The following HOPX variants were observed in gnomAD, a reference collection of about 807,000 sequenced individuals.
HOPX encodes the protein HOP homeobox, also known as homeodomain-only protein.
Under a neutral mutation model 11.8 loss-of-function variants are expected in HOPX, and 5 were observed. That is an observed-to-expected ratio of 0.43 (90% CI 0.22 to 0.89). HOPX has a LOEUF of 0.89. Among genes scored for constraint, HOPX ranks in the 40% least tolerant of loss-of-function variants. The probability of loss-of-function intolerance (pLI) is 0.28; values close to 1 mark genes in which losing one functional copy is unlikely to be tolerated. For missense variants in HOPX, 119 were observed against 120.0 expected (o/e 0.99, Z 0.04); for synonymous variants, 49 against 49.7 (o/e 0.99, Z 0.06).
chr4:56,660,255 T>C (rs531932447), intron 1 of HOPX, among the ~76,000 whole-genome samples: 1 of 152,344 alleles, frequency 6.6e-6, no homozygotes, highest in Admixed American at 6.5e-5. Flanking sequence ...TTACTATTTA[T>C]GTACAAAACA....
chr4:56,665,747 T>C (rs1256520166), intron 1 of HOPX: 1 of 152,216 alleles, frequency 6.6e-6, no homozygotes, highest in African/African-American at 2.4e-5. Flanking sequence ...GTTTTCATTT[T>C]ATATATGTAG....
intron 1 of HOPX, among the ~76,000 whole-genome samples, chr4:56,667,361 T>C (rs1718492298): frequency 6.6e-6 from 1 of 152,184 alleles, no homozygotes; most frequent in African/African-American, 2.4e-5. Flanking sequence ...AAATCTAGCC[T>C]CTTCTCTATT....
chr4:56,676,150 T>C (rs1011676596), intron 1 of HOPX, among the ~76,000 whole-genome samples: 1 of 151,330 alleles, frequency 6.6e-6, no homozygotes, highest in Non-Finnish European at 1.5e-5. Flanking sequence ...TACAAAAAAT[T>C]AGCCAGGTGT....
At chr4:56,650,817 A>G in intron 3 of HOPX, 2 of 1,540,614 alleles carry the variant, frequency 1.3e-6, no homozygotes, top group Non-Finnish European at 1.8e-6. Flanking sequence ...ACTACCCTTC[A>G]TGAGAAGAGA....
chr4:56,662,082 AAAG>A (rs1237629371), intron 1 of HOPX, among the ~76,000 whole-genome samples: 2 of 152,240 alleles, frequency 1.3e-5, no homozygotes, highest in Non-Finnish European at 2.9e-5. Flanking sequence ...ATGACCAATT[AAAG>A]AAGAAGAAAT....
At chr4:56,655,770 G>T in intron 3 of HOPX, 87 bp downstream of exon 3, 1 of 1,446,988 alleles carries the variant, frequency 6.9e-7, no homozygotes, top group Non-Finnish European at 9.4e-7. Context: ...AGCCCGGCGG[G>T]AGGCGCGGAC....
chr4:56,665,777 C>T (rs914018806), intron 1 of HOPX: 1 of 152,014 alleles, frequency 6.6e-6, no homozygotes, highest in Admixed American at 6.6e-5. Flanking sequence ...TAGATGGAAA[C>T]TTATATACCC....
intron 1 of HOPX, among the ~76,000 whole-genome samples, chr4:56,668,597 G>C (rs1718562469): frequency 2.0e-5 from 3 of 152,152 alleles, no homozygotes; most frequent in Non-Finnish European, 4.4e-5. Flanking sequence ...GCCCAGGCTG[G>C]TCTTGAACTC....
At chr4:56,675,648 A>T (rs972274558) in intron 1 of HOPX, among the ~76,000 whole-genome samples, 1 of 151,728 alleles carries the variant, frequency 6.6e-6, no homozygotes, top group African/African-American at 2.4e-5. Flanking sequence ...CATCTGCTGT[A>T]TTGCACTGTG....
Position 56,655,941 on chromosome 4 carries a change from G to A in HOPX, c.114C>T (p.Asn38=). Reference sequence around the variant, plus strand: ...CCGGGTGCTTGTCGACCTTGTTGAAGTTGTACTCCAGGATTTCCACCTGGT... The same window carrying A: ...CCGGGTGCTTGTCGACCTTGTTGAAATTGTACTCCAGGATTTCCACCTGGT... ...TEDQVEILEY[N]FNKVDKHPDS... Residue 38 remains asparagine, a synonymous_variant, in exon 3 of 4, where the codon AAC becomes AAT. Coordinates refer to ENST00000420433, the MANE Select transcript of HOPX (RefSeq NM_032495.6). 1 of 1,611,810 alleles carries A rather than the reference G, an allele frequency of 6.2e-7. No individual in the cohort carries two copies. The highest frequency in any genetic ancestry group is 8.5e-7 in the Non-Finnish European group (1 of 1,179,048).
chr4:56,650,736 C>G, intron 3 of HOPX: 3 of 1,551,634 alleles, frequency 1.9e-6, no homozygotes, highest in Non-Finnish European at 2.6e-6. Flanking sequence ...GCACGGCAGA[C>G]TATCATGGGG....
At chr4:56,668,629 A>G (rs541836754) in intron 1 of HOPX, among the ~76,000 whole-genome samples, 43 of 152,288 alleles carry the variant, frequency 2.8e-4, no homozygotes, top group Non-Finnish European at 5.1e-4. Context: ...CGATCCTTCC[A>G]AGTCATTGAA....
intron 3 of HOPX, chr4:56,650,770 T>C: frequency 6.4e-7 from 1 of 1,551,116 alleles, no homozygotes; most frequent in Non-Finnish European, 8.7e-7. Flanking sequence ...TGGGGGCTAC[T>C]TTCTGGGTGC....
intron 2 of HOPX, 55 bp downstream of exon 2, chr4:56,657,720 A>G: frequency 2.6e-6 from 2 of 770,816 alleles, no homozygotes; most frequent in Admixed American, 2.0e-5. Flanking sequence ...GTGTGCACCC[A>G]TTGCCCGTAC....
intron 1 of HOPX, among the ~76,000 whole-genome samples, chr4:56,666,480 GT>G (rs1400985881): frequency 2.0e-5 from 3 of 152,194 alleles, no homozygotes; most frequent in African/African-American, 7.2e-5. Flanking sequence ...AAGGGTGTCT[GT>G]GAATGACTTC....
chr4:56,681,144 C>T (rs2109567519), intron 1 of HOPX, 111 bp downstream of exon 1: 1 of 968,498 alleles, frequency 1.0e-6, no homozygotes, highest in South Asian at 4.8e-5. Context: ...CTCCCTTTCA[C>T]CTCTACCGTT....
chr4:56,655,213 G>C (rs771620064), intron 3 of HOPX, among the ~76,000 whole-genome samples: 10 of 152,316 alleles, frequency 6.6e-5, no homozygotes, highest in Admixed American at 3.3e-4. Flanking sequence ...CTTAGAGCCG[G>C]GGAATTTTTT....
At chr4:56,667,555 G>C (rs1718507433) in intron 1 of HOPX, among the ~76,000 whole-genome samples, 1 of 152,172 alleles carries the variant, frequency 6.6e-6, no homozygotes. Context: ...AGAGGCCCAA[G>C]CATAACTCAG....
intron 1 of HOPX, among the ~76,000 whole-genome samples, chr4:56,660,589 C>T (rs1267873152): frequency 6.6e-6 from 1 of 152,032 alleles, no homozygotes; most frequent in African/African-American, 2.4e-5. Context: ...CCCTATATAA[C>T]AATGTCCTCA....
Sources: gnomAD v4.1 joint callset for allele counts (sites outside exome capture counted in the v4.1 genomes callset) on GRCh38, gnomAD v4.1.1 for gene constraint, MANE v1.5 for transcripts, NCBI Gene and HGNC (gene_info 2026-07-23, HGNC 2026-07-21) for gene names.